Variants in RNF43 observed in about 807,000 individuals in gnomAD.
RNF43 encodes the protein E3 ubiquitin-protein ligase RNF43.
A neutral mutation model predicts 78.4 loss-of-function variants in RNF43; 37 were observed. That is an observed-to-expected ratio of 0.47 (90% confidence interval 0.36 to 0.62). The LOEUF (loss-of-function observed/expected upper bound fraction) is 0.62. RNF43 is among the 20% of genes least tolerant of loss of function. The pLI is 0.00. For synonymous variants in RNF43, 347 were observed against 395.0 expected (o/e 0.88, Z 1.44); for missense variants, 774 against 1,007.9 (o/e 0.77, Z 3.14).
chr17:58,357,118 T>A lies in RNF43; in HGVS notation c.2308+350A>T, dbSNP rs1972700099. ...CATGTTGGCCAGGTTGGTCTTGAAC[T>A]CCTGGCCTCAAGGGATCCACCCACC... On this transcript the variant is annotated intron_variant, in intron 9 of 9. Coordinates refer to ENST00000407977, the MANE Select transcript of RNF43 (RefSeq NM_017763.6). This position sits in a 1 kb window ranked among gnomAD's most constrained non-coding sequence, Gnocchi z 4.5. 4.5e-6 allele frequency: 3 copies of A among 673,124 alleles called. No individual in the cohort carries two copies. In the South Asian group the frequency reaches 4.8e-5, roughly 11 times the overall value. The allele number at this position is 673,124 out of a possible 1,614,324, so 41.7% of individuals were successfully genotyped here.
chr17:58,415,688 G>A lies in RNF43; in HGVS notation c.-111C>T, dbSNP rs151044187. 2.9e-5 allele frequency: 37 copies of A among 1,289,042 alleles called. No individual in the cohort carries two copies. The highest frequency in any genetic ancestry group is 2.2e-4 in the East Asian group (9 of 40,514). 79.9% of individuals were successfully genotyped at this position (1,289,042 alleles called of 1,614,324 possible). Reference sequence around the variant, plus strand: ...GGAGGAAAAGAACATTTATGCTTCCGTTTCAGAAAGCCAAGTCGTAGTTTT... The same window carrying A: ...GGAGGAAAAGAACATTTATGCTTCCATTTCAGAAAGCCAAGTCGTAGTTTT... On this transcript the variant is annotated 5_prime_UTR_variant, in exon 2 of 10. In the 5' UTR this introduces an upstream ATG that the reference lacks. Coordinates refer to ENST00000407977, the MANE Select transcript of RNF43 (RefSeq NM_017763.6).
At position 58,402,386 on chromosome 17, in the gene RNF43, G is replaced by A. The variant is rs538713504; in HGVS notation, c.252+12940C>T. Among the ~76,000 whole-genome samples, 9 of 152,328 alleles carry A rather than the reference G, an allele frequency of 5.9e-5. No individual in the cohort carries two copies. In the East Asian group the frequency reaches 1.5e-3, roughly 26 times the overall value. The stretch of plus-strand genomic sequence containing the variant: ...AGAACCAAGATAAAATAACAAGAAT[G>A]TACTTTGCCCAAGGCATAATTCTGC... On this transcript the variant is annotated intron_variant, in intron 2 of 9. Coordinates refer to ENST00000407977, the MANE Select transcript of RNF43 (RefSeq NM_017763.6).
chr17:58,355,414 G>A (rs916410828), intron 9 of RNF43, among the ~76,000 whole-genome samples: 5 of 152,140 alleles, frequency 3.3e-5, no homozygotes, highest in Non-Finnish European at 7.3e-5. Context: ...GAGAGACCAG[G>A]TCCAAGTGCA....
intron 2 of RNF43, among the ~76,000 whole-genome samples, chr17:58,414,689 T>C (rs774048423): frequency 6.6e-6 from 1 of 152,208 alleles, no homozygotes; most frequent in East Asian, 1.9e-4. Flanking sequence ...GTAAAAAACA[T>C]GTTAAATTTA....
chr17:58,383,184 C>A (rs980392738), intron 2 of RNF43, among the ~76,000 whole-genome samples: 6 of 152,140 alleles, frequency 3.9e-5, no homozygotes, highest in Admixed American at 2.6e-4. Context: ...CATATTTTTT[C>A]TGAGTGGGTT....
chr17:58,396,805 T>C (rs972032320), intron 2 of RNF43, among the ~76,000 whole-genome samples: 4 of 152,206 alleles, frequency 2.6e-5, no homozygotes, highest in African/African-American at 9.6e-5. Context: ...ATAATCATTC[T>C]AACCTAAACA....
rs1972809836 is a variant in RNF43 at position 58,360,407 on chromosome 17, C to T, written c.850-156G>A. On this transcript the variant is annotated intron_variant, in intron 7 of 9. Transcript: ENST00000407977. The surrounding 1 kb of genome is among the most constrained non-coding windows in gnomAD (Gnocchi z 4.3). ...AGGAATGGTATGAGCTTTGGCATCACATAGACCTGGATTTTGCACTTAGCT... is the reference window on the plus strand; with the variant it reads ...AGGAATGGTATGAGCTTTGGCATCATATAGACCTGGATTTTGCACTTAGCT... Among the ~76,000 whole-genome samples the T allele has an allele frequency of 6.6e-6, 1 of 152,230 alleles. No individual in the cohort carries two copies. Among genetic ancestry groups the T allele is most frequent in the East Asian group, 1.9e-4 (1 of 5,202 alleles).
intron 2 of RNF43, among the ~76,000 whole-genome samples, chr17:58,384,927 T>G (rs1332137753): frequency 6.6e-6 from 1 of 152,210 alleles, no homozygotes; most frequent in Non-Finnish European, 1.5e-5. Context: ...CTAACAGAGT[T>G]GAAATAGAAA....
At chr17:58,390,940 A>T (rs889963034) in intron 2 of RNF43, among the ~76,000 whole-genome samples, 5 of 152,202 alleles carry the variant, frequency 3.3e-5, no homozygotes, top group African/African-American at 1.2e-4. Context: ...AACTCACTGT[A>T]TATCTTATTT....
chr17:58,364,148 C>T (rs1972901625), intron 3 of RNF43, among the ~76,000 whole-genome samples: 1 of 152,224 alleles, frequency 6.6e-6, no homozygotes, highest in African/African-American at 2.4e-5. Context: ...CACGCAAGGC[C>T]ACCATCACAA....
In RNF43 at chr17:58,354,769, A is replaced by G. The variant is rs1356875062; in HGVS notation, c.*174T>C. The G allele has an allele frequency of 1.1e-5, 7 of 646,940 alleles. No homozygotes were observed. The highest frequency in any genetic ancestry group is 1.1e-4 in the African/African-American group (6 of 55,558). 40.1% of individuals were successfully genotyped at this position (646,940 alleles called of 1,614,324 possible). On this transcript the variant is annotated 3_prime_UTR_variant, in exon 10 of 10. Transcript: ENST00000407977. The stretch of plus-strand genomic sequence containing the variant: ...ACAAGGTCTGGAGCTGGAGCAGGAA[A>G]CGGCACCCTCTCACCCTCCACCATC...
At chr17:58,395,083 A>C (rs774916864) in intron 2 of RNF43, 6 of 152,242 alleles carry the variant, frequency 3.9e-5, no homozygotes, top group Non-Finnish European at 8.8e-5. Flanking sequence ...ACAGATTGAC[A>C]GTATATGGAA....
In RNF43 at chr17:58,360,267, G is replaced by T. The variant is rs753128596; in HGVS notation, c.850-16C>A. 3 of 1,601,378 alleles carry T rather than the reference G, an allele frequency of 1.9e-6. No homozygotes were observed. In the Admixed American group the frequency reaches 5.0e-5, roughly 27 times the overall value. ...CCCGTAGCTCCTGGAGAAAAAGAGG[G>T]GGTCCAAACCAAAGGCTTCTGTAGC... On this transcript the variant is annotated splice_polypyrimidine_tract_variant and intron_variant, in intron 7 of 9. Coordinates refer to ENST00000407977, the MANE Select transcript of RNF43 (RefSeq NM_017763.6). This position sits in a 1 kb window ranked among gnomAD's most constrained non-coding sequence, Gnocchi z 4.3.
At chr17:58,361,089 T>C (rs771381485) in intron 6 of RNF43, 145 bp from the exon 7 acceptor site, 5 of 800,110 alleles carry the variant, frequency 6.2e-6, no homozygotes, top group Non-Finnish European at 9.1e-6. Context: ...TCGGAGCTCA[T>C]ATGTGGCTCT....
intron 2 of RNF43, among the ~76,000 whole-genome samples, chr17:58,394,042 C>T (rs545046902): frequency 2.8e-4 from 43 of 152,262 alleles, no homozygotes; most frequent in African/African-American, 7.9e-4. Context: ...GGCAACAGAG[C>T]GAAACTCCGT....
In RNF43 at chr17:58,360,352, A is replaced by G; in HGVS notation, c.850-101T>C. 2.5e-6 allele frequency: 2 copies of G among 797,384 alleles called. No homozygotes were observed. Among genetic ancestry groups the G allele is most frequent in the Admixed American group, 4.4e-5 (2 of 45,134 alleles). 49.4% of individuals were successfully genotyped at this position (797,384 alleles called of 1,614,324 possible). ...CTCCCTTAGGCCTCTCCTTGCTATT[A>G]TCTACTTGTAAAAGACCTCACAGTA... On this transcript the variant is annotated intron_variant, in intron 7 of 9. Coordinates refer to ENST00000407977, the MANE Select transcript of RNF43 (RefSeq NM_017763.6). This position sits in a 1 kb window ranked among gnomAD's most constrained non-coding sequence, Gnocchi z 4.3.
rs1972771364 is a variant in RNF43, at chr17:58,358,949, T to C, written c.953-126A>G. The C allele has an allele frequency of 9.6e-6, 10 of 1,045,998 alleles. No homozygotes were observed. In the East Asian group the frequency reaches 2.9e-4, roughly 30 times the overall value. The allele number at this position is 1,045,998 out of a possible 1,614,324, so 64.8% of individuals were successfully genotyped here. On this transcript the variant is annotated intron_variant, in intron 8 of 9. Coordinates refer to ENST00000407977, the MANE Select transcript of RNF43 (RefSeq NM_017763.6). The surrounding 1 kb of genome is among the most constrained non-coding windows in gnomAD (Gnocchi z 6.2). ...GCCTGTGAGCTCAGAGTTTGGGGGA[T>C]CAAGGACGTGCCTAAGCTGCCTGTG... is the stretch of plus-strand genomic sequence containing the variant.
chr17:58,360,351 T>C lies in RNF43; in HGVS notation c.850-100A>G. ...ACTCCCTTAGGCCTCTCCTTGCTAT[T>C]ATCTACTTGTAAAAGACCTCACAGT... is the stretch of plus-strand genomic sequence containing the variant. On this transcript the variant is annotated intron_variant, in intron 7 of 9. Transcript: ENST00000407977. This position sits in a 1 kb window ranked among gnomAD's most constrained non-coding sequence, Gnocchi z 4.3. 1.3e-6 allele frequency: 1 copy of C among 797,094 alleles called. No homozygotes were observed. The highest frequency in any genetic ancestry group is 1.5e-5 in the South Asian group (1 of 64,966). 49.4% of individuals were successfully genotyped at this position (797,094 alleles called of 1,614,324 possible). A position where few individuals can be genotyped will look rare whatever the true frequency, so the allele number is the denominator to read the frequency against.
intron 2 of RNF43, among the ~76,000 whole-genome samples, chr17:58,405,068 CTTTTTTTTTTTTT>C (rs35147601): frequency 3.8e-5 from 3 of 79,604 alleles, no homozygotes; most frequent in African/African-American, 1.0e-4. Flanking sequence ...TGTAGTACTT[CTTTTTTTTTTTTT>C]TTTTTTTTTT....
Sources: allele counts gnomAD v4.1 joint callset (sites outside exome capture counted in the v4.1 genomes callset), GRCh38; gene constraint gnomAD v4.1.1; non-coding constraint Gnocchi (gnomAD v3.1); transcripts MANE v1.5; gene names NCBI Gene and HGNC (gene_info 2026-07-23, HGNC 2026-07-21).